DPH6: variants seen among roughly 807,000 people sequenced by gnomAD.
DPH6 encodes diphthine--ammonia ligase.
DPH6 carries 33 observed loss-of-function variants against 38.2 expected under a neutral mutation model. The ratio of observed to expected loss-of-function variants is 0.86; its 90% CI spans 0.65 to 1.15. The LOEUF (loss-of-function observed/expected upper bound fraction) is 1.15, where lower values mean the gene tolerates loss of function less well. Ranked by LOEUF, DPH6 falls within the 50% of genes most tolerant of loss-of-function variation. The pLI is 0.00. For synonymous variants in DPH6, 108 were observed against 103.0 expected (o/e 1.05, Z -0.30); for missense variants, 325 against 320.0 (o/e 1.02, Z -0.12).
At chr15:35,525,674 C>CA (rs1316977228) in intron 3 of DPH6, among the ~76,000 whole-genome samples, 4 of 151,696 alleles carry the variant, frequency 2.6e-5, no homozygotes, top group African/African-American at 7.2e-5. Flanking sequence ...CTCACCTCTA[C>CA]AAAAAAAATA....
chr15:35,152,050 C>T, the DPH6 span, among the ~76,000 whole-genome samples: 1 of 152,182 alleles, frequency 6.6e-6, no homozygotes, highest in Non-Finnish European at 1.5e-5. Context: ...CTTAAGTGTA[C>T]ATATAGCTCA....
At chr15:35,245,350 T>C (rs1471103697) in intron 3 of DPH6, among the ~76,000 whole-genome samples, 3 of 147,660 alleles carry the variant, frequency 2.0e-5, no homozygotes, top group East Asian at 2.2e-4. Context: ...GCCATTCTCC[T>C]GCCTCAGCCT....
intron 3 of DPH6, chr15:35,521,393 G>GA: frequency 1.9e-6 from 2 of 1,077,512 alleles, no homozygotes; most frequent in Non-Finnish European, 2.2e-6. Flanking sequence ...ATCATCTAAA[G>GA]AATCTGTAAG....
chr15:35,496,607 A>ATGAGAGAGAT (rs1371596828), intron 3 of DPH6, among the ~76,000 whole-genome samples: 27 of 93,538 alleles, frequency 2.9e-4, no homozygotes, highest in African/African-American at 8.1e-4. Context: ...ACCAATGAAT[A>ATGAGAGAGAT]TGAGAGAGAT....
At chr15:35,151,230 T>C in the DPH6 span, among the ~76,000 whole-genome samples, 1 of 152,212 alleles carries the variant, frequency 6.6e-6, no homozygotes, top group African/African-American at 2.4e-5. Context: ...AATTACAGCA[T>C]TGTTTGTAAA....
chr15:35,373,918 C>T (rs970746895), intron 7 of DPH6, among the ~76,000 whole-genome samples: 8 of 151,920 alleles, frequency 5.3e-5, no homozygotes, highest in Admixed American at 1.3e-4. Context: ...TTCATTTTCA[C>T]GTATTTGCTT....
the DPH6 span, among the ~76,000 whole-genome samples, chr15:35,161,105 C>T: frequency 2.0e-5 from 3 of 151,818 alleles, no homozygotes; most frequent in Non-Finnish European, 2.9e-5. Context: ...CAAACCTGCA[C>T]GTTGTGCACA....
intron 6 of DPH6, among the ~76,000 whole-genome samples, chr15:35,398,711 G>A (rs750322592): frequency 2.6e-5 from 4 of 152,212 alleles, no homozygotes; most frequent in Non-Finnish European, 4.4e-5. Flanking sequence ...GAAAAAGGTC[G>A]TGGGAATGCT....
intron 5 of DPH6, among the ~76,000 whole-genome samples, chr15:35,430,784 T>C (rs1291693206): frequency 1.3e-5 from 2 of 152,170 alleles, no homozygotes; most frequent in Non-Finnish European, 2.9e-5. Context: ...TTAAAAAAAT[T>C]ATTATTTAGA....
At chr15:35,302,156 G>A (rs182516375) in intron 3 of DPH6, among the ~76,000 whole-genome samples, 1 of 152,042 alleles carries the variant, frequency 6.6e-6, no homozygotes, top group South Asian at 2.1e-4. Context: ...CAAATCTTTG[G>A]TAACAAAAGG....
the DPH6 span, among the ~76,000 whole-genome samples, chr15:35,185,163 C>A: frequency 6.6e-6 from 1 of 151,950 alleles, no homozygotes; most frequent in South Asian, 2.1e-4. Flanking sequence ...AAAACATGGA[C>A]AACCACTGAC....
At chr15:35,300,579 G>A (rs1049469991) in intron 3 of DPH6, among the ~76,000 whole-genome samples, 1 of 152,186 alleles carries the variant, frequency 6.6e-6, no homozygotes, top group Non-Finnish European at 1.5e-5. Flanking sequence ...GAGCAACTGG[G>A]TGAGTATTTA....
At chr15:35,443,271 T>C (rs1387569730) in intron 5 of DPH6, among the ~76,000 whole-genome samples, 1 of 152,188 alleles carries the variant, frequency 6.6e-6, no homozygotes, top group Non-Finnish European at 1.5e-5. Context: ...TCTATATCTA[T>C]TGGTATGCTG....
intron 5 of DPH6, among the ~76,000 whole-genome samples, chr15:35,412,749 T>C (rs2053383133): frequency 6.6e-6 from 1 of 151,730 alleles, no homozygotes; most frequent in African/African-American, 2.4e-5. Flanking sequence ...ATGGTATGAT[T>C]CCAACTATAT....
At chr15:35,230,393 T>C (rs1001992179) in intron 3 of DPH6, among the ~76,000 whole-genome samples, 2 of 152,142 alleles carry the variant, frequency 1.3e-5, no homozygotes, top group African/African-American at 4.8e-5. Context: ...GAATGCTGCC[T>C]GCCCTAGGAC....
chr15:35,294,261 A>G (rs2051999983), intron 3 of DPH6, among the ~76,000 whole-genome samples: 1 of 152,102 alleles, frequency 6.6e-6, no homozygotes, highest in African/African-American at 2.4e-5. Context: ...AACTATAACA[A>G]TTGTTTCCTT....
chr15:35,424,089 T>C (rs1275562634), intron 5 of DPH6, among the ~76,000 whole-genome samples: 1 of 151,670 alleles, frequency 6.6e-6, no homozygotes, highest in East Asian at 1.9e-4. Context: ...TTTTTCTATT[T>C]TTATAAAGAA....
At chr15:35,433,874 T>C (rs907612452) in intron 5 of DPH6, among the ~76,000 whole-genome samples, 1 of 152,202 alleles carries the variant, frequency 6.6e-6, no homozygotes, top group Non-Finnish European at 1.5e-5. Flanking sequence ...GCAGCCACAG[T>C]TGAAAACCAT....
chr15:35,405,734 G>GT (rs2053283484), intron 6 of DPH6, among the ~76,000 whole-genome samples: 1 of 152,030 alleles, frequency 6.6e-6, no homozygotes, highest in Admixed American at 6.6e-5. Flanking sequence ...CCAGTACTAT[G>GT]TTGAATAACA....
Sources: allele counts gnomAD v4.1 joint callset (sites outside exome capture counted in the v4.1 genomes callset), GRCh38; gene constraint gnomAD v4.1.1; transcripts MANE v1.5; gene names NCBI Gene and HGNC (gene_info 2026-07-23, HGNC 2026-07-21).